The following PRKCZ variants were observed in gnomAD, a reference collection of about 807,000 sequenced individuals.
PRKCZ encodes protein kinase C zeta.
In PRKCZ, 33 loss-of-function variants were observed where a neutral mutation model predicts 79.5. The ratio of observed to expected loss-of-function variants is 0.41; its 90% CI spans 0.31 to 0.55. The LOEUF (loss-of-function observed/expected upper bound fraction) is 0.55, where lower values mean the gene tolerates loss of function less well. Among genes scored for constraint, PRKCZ ranks in the 20% least tolerant of loss-of-function variants. PRKCZ has a pLI of 0.19. For synonymous variants in PRKCZ, 342 were observed against 320.9 expected, an observed-to-expected ratio of 1.07 and a Z score of -0.70; for missense variants, 578 against 813.5, an observed-to-expected ratio of 0.71 and a Z score of 3.52.
At position 2,127,379 on chromosome 1, in the gene PRKCZ, G is replaced by A. The variant is rs543922827; in HGVS notation, c.335-7883G>A. On this transcript the variant is annotated intron_variant, in intron 4 of 17. Transcript: ENST00000378567. The surrounding 1 kb of genome is among the most constrained non-coding windows in gnomAD (Gnocchi z 5.1). ...TCCGGGCAGGTCCCTCAGATGGAGG[G>A]GCTGCACCTCCACTGCCCCCCCCAC... 6.6e-6 allele frequency among the ~76,000 whole-genome samples: 1 copy of A among 152,216 alleles called. No individual in the cohort carries two copies. Among genetic ancestry groups the A allele is most frequent in the East Asian group, 1.9e-4 (1 of 5,178 alleles).
intron 6 of PRKCZ, 40 bp from the exon 7 acceptor site, chr1:2,145,987 A>G (rs1286488436): frequency 6.5e-7 from 1 of 1,536,350 alleles, no homozygotes. Context: ...CACCTGCTCT[A>G]GCACTTGGTC....
At chr1:2,164,300 G>GAACCCCT (rs1682906534) in intron 10 of PRKCZ, among the ~76,000 whole-genome samples, 1 of 95,874 alleles carries the variant, frequency 1.0e-5, no homozygotes, top group Non-Finnish European at 2.2e-5. Context: ...AGAGAGACAG[G>GAACCCCT]GACCCTTTAT....
intron 4 of PRKCZ, among the ~76,000 whole-genome samples, chr1:2,107,167 TGCA>T (rs1187917391): frequency 6.6e-6 from 1 of 152,254 alleles, no homozygotes; most frequent in Non-Finnish European, 1.5e-5. Context: ...AGCACTGGTG[TGCA>T]GTTCTCTGTC....
chr1:2,140,967 T>G (rs1215775411), intron 5 of PRKCZ: 2 of 152,232 alleles, frequency 1.3e-5, no homozygotes, highest in African/African-American at 4.8e-5. Flanking sequence ...GGCGCGAGGC[T>G]GTCGGAGGGA....
At chr1:2,066,483 C>T (rs954053712) in intron 4 of PRKCZ, among the ~76,000 whole-genome samples, 3 of 152,248 alleles carry the variant, frequency 2.0e-5, no homozygotes, top group African/African-American at 7.2e-5. Context: ...GCTGGCATTA[C>T]AGGCACATGC....
rs536104972 is a variant in PRKCZ at position 2,127,685 on chromosome 1, G to A, written c.335-7577G>A. 4.1e-4 allele frequency among the ~76,000 whole-genome samples: 62 copies of A among 152,356 alleles called. No individual in the cohort carries two copies. Among genetic ancestry groups the A allele is most frequent in the Non-Finnish European group, 5.4e-4 (37 of 68,032 alleles). The stretch of plus-strand genomic sequence containing the variant: ...CTCCACACCAGGCAAATAGGCGAAC[G>A]GCGTCTCCCGCGGCTCCCGGTGGCT... On this transcript the variant is annotated intron_variant, in intron 4 of 17. Transcript: ENST00000378567. The surrounding 1 kb of genome is among the most constrained non-coding windows in gnomAD (Gnocchi z 5.1).
Position 2,165,950 on chromosome 1 carries a change from C to T in PRKCZ, c.975-3568C>T, listed in dbSNP as rs551019356. On this transcript the variant is annotated intron_variant, in intron 10 of 17. Transcript: ENST00000378567. This position sits in a 1 kb window ranked among gnomAD's most constrained non-coding sequence, Gnocchi z 4.1. The stretch of plus-strand genomic sequence containing the variant: ...TTCGTGAGCTTCCAGCATCCCCCTG[C>T]GGCCACTGTCCCTCCATTTCCCATG... Among the ~76,000 whole-genome samples, 102 of 152,334 alleles carry T rather than the reference C, an allele frequency of 6.7e-4. No homozygotes were observed. The highest frequency in any genetic ancestry group is 1.4e-3 in the African/African-American group (58 of 41,572).
intron 4 of PRKCZ, among the ~76,000 whole-genome samples, chr1:2,103,871 AG>A (rs560459034): frequency 1.6e-4 from 25 of 152,032 alleles, no homozygotes; most frequent in African/African-American, 5.8e-4. Flanking sequence ...GTGGGAGGAG[AG>A]GGGTGAAGGG....
chr1:2,070,367 G>T (rs1661466846), intron 4 of PRKCZ, among the ~76,000 whole-genome samples: 1 of 152,148 alleles, frequency 6.6e-6, no homozygotes, highest in African/African-American at 2.4e-5. Flanking sequence ...CTTGGGTCAG[G>T]CCCCAGGCAG....
Position 2,082,198 on chromosome 1 carries a change from C to T in PRKCZ, c.334+22607C>T, listed in dbSNP as rs940648310. ...CTTTGCAGCCCTTGGCAGCGTCGCC[C>T]GCTCTGTCCCGCCTGTTGTGTGCGC... is the stretch of plus-strand genomic sequence containing the variant. On this transcript the variant is annotated intron_variant, in intron 4 of 17. Transcript: ENST00000378567. This position sits in a 1 kb window ranked among gnomAD's most constrained non-coding sequence, Gnocchi z 4.4. 45 of 351,250 alleles carry T rather than the reference C, an allele frequency of 1.3e-4. 1 individual carries two copies. The highest frequency in any genetic ancestry group is 6.8e-4 in the South Asian group (32 of 47,312). 21.8% of individuals were successfully genotyped at this position (351,250 alleles called of 1,614,324 possible).
intron 3 of PRKCZ, among the ~76,000 whole-genome samples, chr1:2,058,744 A>G (rs1359678307): frequency 6.6e-6 from 1 of 151,482 alleles, no homozygotes; most frequent in Non-Finnish European, 1.5e-5. Context: ...ATAAATACAA[A>G]AATTAGCCGG....
intron 5 of PRKCZ, among the ~76,000 whole-genome samples, chr1:2,138,673 C>T (rs769129179): frequency 2.6e-5 from 4 of 152,264 alleles, no homozygotes; most frequent in African/African-American, 4.8e-5. Context: ...CAGTGGCTCA[C>T]GCCTGTAATC....
chr1:2,060,609 G>C (rs1040230143), intron 4 of PRKCZ, among the ~76,000 whole-genome samples: 16 of 152,344 alleles, frequency 1.1e-4, no homozygotes, highest in African/African-American at 3.6e-4. Flanking sequence ...GGAGAGGGCG[G>C]CGTGGCATCC....
chr1:2,091,665 T>C (rs538050934), intron 4 of PRKCZ, among the ~76,000 whole-genome samples: 1 of 152,310 alleles, frequency 6.6e-6, no homozygotes, highest in African/African-American at 2.4e-5. Flanking sequence ...TGGAGAAACG[T>C]CTGCACAGGT....
intron 2 of PRKCZ, 140 bp downstream of exon 2, chr1:2,055,702 C>G: frequency 3.1e-6 from 4 of 1,286,590 alleles, no homozygotes; most frequent in Non-Finnish European, 3.1e-6. Context: ...CCAACTTTTC[C>G]CCAGTGGGGA....
intron 3 of PRKCZ, 130 bp downstream of exon 3, chr1:2,056,703 A>G (rs1571085767): frequency 4.0e-6 from 3 of 756,194 alleles, no homozygotes; most frequent in African/African-American, 1.8e-5. Context: ...TGTCTAATAT[A>G]ATGCCATTTG....
intron 4 of PRKCZ, among the ~76,000 whole-genome samples, chr1:2,105,831 G>T (rs1173243935): frequency 6.6e-6 from 1 of 152,236 alleles, no homozygotes; most frequent in African/African-American, 2.4e-5. Flanking sequence ...TGCCGGGAAG[G>T]TCACTTTCAG....
rs1421745917 is a variant in PRKCZ, at chr1:2,127,086, G to A, written c.335-8176G>A. On this transcript the variant is annotated intron_variant, in intron 4 of 17. Coordinates refer to ENST00000378567, the MANE Select transcript of PRKCZ (RefSeq NM_002744.6). The surrounding 1 kb of genome is among the most constrained non-coding windows in gnomAD (Gnocchi z 5.1). ...CTCTCGAGCTCTTCTGTGCCGTGTGGTTGCACTAAGCAGCTGTGGGGAAGG... is the reference window on the plus strand; with the variant it reads ...CTCTCGAGCTCTTCTGTGCCGTGTGATTGCACTAAGCAGCTGTGGGGAAGG... 7.9e-5 allele frequency among the ~76,000 whole-genome samples: 12 copies of A among 152,286 alleles called. No homozygotes were observed. Among genetic ancestry groups the A allele is most frequent in the East Asian group, 1.9e-4 (1 of 5,172 alleles).
In PRKCZ at chr1:2,149,009, A is replaced by G; in HGVS notation, c.687+85A>G. ...GTCTCTGGGGTAGTCACGGAAATCTAGATGTGAAATAGACATGGTCCGGGG... is the reference window on the plus strand; with the variant it reads ...GTCTCTGGGGTAGTCACGGAAATCTGGATGTGAAATAGACATGGTCCGGGG... On this transcript the variant is annotated intron_variant, in intron 8 of 17. Coordinates refer to ENST00000378567, the MANE Select transcript of PRKCZ (RefSeq NM_002744.6). The surrounding 1 kb of genome is among the most constrained non-coding windows in gnomAD (Gnocchi z 4.1). The G allele has an allele frequency of 6.9e-7, 1 of 1,440,190 alleles. No homozygotes were observed. The highest frequency in any genetic ancestry group is 9.7e-7 in the Non-Finnish European group (1 of 1,025,962). The allele number at this position is 1,440,190 out of a possible 1,614,324, so 89.2% of individuals were successfully genotyped here.
Sources: allele counts gnomAD v4.1 joint callset (sites outside exome capture counted in the v4.1 genomes callset), GRCh38; gene constraint gnomAD v4.1.1; non-coding constraint Gnocchi (gnomAD v3.1); transcripts MANE v1.5; gene names NCBI Gene and HGNC (gene_info 2026-07-23, HGNC 2026-07-21).